BFSP2: variants seen among roughly 807,000 people sequenced by gnomAD.
The protein encoded by BFSP2 is beaded filament structural protein 2.
A neutral mutation model predicts 44.9 loss-of-function variants in BFSP2; 38 were observed. The ratio of observed to expected loss-of-function variants is 0.85; its 90% CI spans 0.65 to 1.11. The LOEUF is 1.11. Among genes scored for constraint, BFSP2 ranks in the 50% least tolerant of loss-of-function variants. The pLI, the probability that BFSP2 is intolerant of heterozygous loss-of-function variation, is 0.00. For missense variants in BFSP2, 525 were observed against 533.0 expected (o/e 0.99, Z 0.15); for synonymous variants, 197 against 209.9 (o/e 0.94, Z 0.53).
At chr3:133,429,796 G>A (rs1418064051) in intron 1 of BFSP2, 1 of 151,362 alleles carries the variant, frequency 6.6e-6, no homozygotes, top group East Asian at 1.9e-4. Flanking sequence ...GGGTACATGT[G>A]CACAATGTGC....
rs1054967096 is a variant in BFSP2, at chr3:133,427,722, T to C, written c.490-19595T>C. 4.6e-5 allele frequency among the ~76,000 whole-genome samples: 7 copies of C among 152,204 alleles called. No individual in the cohort carries two copies. The South Asian group carries it at 1.0e-3, about 23-fold the overall frequency. Reference sequence around the variant, plus strand: ...GTCCATTACGTCCCACTGGAATCAATTGAGGTTATGTTTCTGACAACAGAG... The same window carrying C: ...GTCCATTACGTCCCACTGGAATCAACTGAGGTTATGTTTCTGACAACAGAG... On this transcript the variant is annotated intron_variant, in intron 1 of 6. Coordinates refer to ENST00000302334, the MANE Select transcript of BFSP2 (RefSeq NM_003571.4).
intron 1 of BFSP2, among the ~76,000 whole-genome samples, chr3:133,411,299 C>A (rs1228656402): frequency 4.0e-5 from 6 of 151,106 alleles, no homozygotes; most frequent in African/African-American, 1.5e-4. Context: ...TCTTATAAGA[C>A]CTATAGGTAT....
intron 1 of BFSP2, chr3:133,410,451 C>T (rs970580469): frequency 1.1e-5 from 3 of 274,604 alleles, no homozygotes; most frequent in African/African-American, 6.8e-5. Flanking sequence ...CCCTGGGAAA[C>T]CCCAGGCTGT....
Position 133,467,805 on chromosome 3 carries a change from T to A in BFSP2, c.1023+846T>A, listed in dbSNP as rs1300903969. 3.3e-5 allele frequency among the ~76,000 whole-genome samples: 5 copies of A among 152,138 alleles called. No homozygotes were observed. In the East Asian group the frequency reaches 9.6e-4, roughly 29 times the overall value. On this transcript the variant is annotated intron_variant, in intron 5 of 6. Coordinates refer to ENST00000302334, the MANE Select transcript of BFSP2 (RefSeq NM_003571.4). ...GCAAATCAAAGGTTGGTCCATGTAATCCTTGTGCAGCTGAGATGGCCTGGA... is the reference window on the plus strand; with the variant it reads ...GCAAATCAAAGGTTGGTCCATGTAAACCTTGTGCAGCTGAGATGGCCTGGA...
intron 1 of BFSP2, among the ~76,000 whole-genome samples, chr3:133,446,652 T>A (rs2073904128): frequency 9.2e-6 from 1 of 109,260 alleles, no homozygotes; most frequent in Non-Finnish European, 1.8e-5. Flanking sequence ...AGGAGTTTCT[T>A]GGGTTGAAGG....
intron 1 of BFSP2, among the ~76,000 whole-genome samples, chr3:133,438,553 G>GA (rs11288059): frequency 2.6e-5 from 4 of 152,004 alleles, no homozygotes; most frequent in African/African-American, 9.7e-5. Flanking sequence ...AACAAAAAAA[G>GA]AAAAAAGAAA....
At chr3:133,425,810 AG>A (rs2073642751) in intron 1 of BFSP2, among the ~76,000 whole-genome samples, 1 of 143,712 alleles carries the variant, frequency 7.0e-6, no homozygotes, top group Non-Finnish European at 1.5e-5. Context: ...GAAGAAGGGA[AG>A]GGAAGGGAAA....
intron 6 of BFSP2, among the ~76,000 whole-genome samples, chr3:133,474,491 C>T (rs559713409): frequency 6.6e-6 from 1 of 152,262 alleles, no homozygotes; most frequent in East Asian, 1.9e-4. Context: ...CATCCAGCTC[C>T]TCTCCAACTG....
At position 133,405,246 on chromosome 3, in the gene BFSP2, T is replaced by C. The variant is rs115438587; in HGVS notation, c.489+4674T>C. ...TAAGGAGCCAGGACATTTGTCTAGG[T>C]CTCCATGGGAGAAAACTGCAGCTTA... On this transcript the variant is annotated intron_variant, in intron 1 of 6. Coordinates refer to ENST00000302334, the MANE Select transcript of BFSP2 (RefSeq NM_003571.4). 3.5e-3 allele frequency among the ~76,000 whole-genome samples: 529 copies of C among 152,144 alleles called. 4 individuals carry two copies. Among genetic ancestry groups the C allele is most frequent in the African/African-American group, 0.012 (481 of 41,502 alleles).
At chr3:133,461,162 C>A (rs1028102407) in intron 4 of BFSP2, among the ~76,000 whole-genome samples, 6 of 152,148 alleles carry the variant, frequency 3.9e-5, no homozygotes, top group Admixed American at 3.9e-4. Context: ...GTGGGTCAGG[C>A]TTGGACTTGG....
At chr3:133,462,851 T>G (rs2074076347) in intron 4 of BFSP2, among the ~76,000 whole-genome samples, 1 of 152,202 alleles carries the variant, frequency 6.6e-6, no homozygotes, top group African/African-American at 2.4e-5. Context: ...TAATTTCTGA[T>G]TAAGCAAAAA....
chr3:133,428,813 G>A (rs1398261496), intron 1 of BFSP2, among the ~76,000 whole-genome samples: 2 of 152,136 alleles, frequency 1.3e-5, no homozygotes, highest in Non-Finnish European at 2.9e-5. Context: ...GCCTGCCCTC[G>A]CTCTGACCTG....
intron 4 of BFSP2, among the ~76,000 whole-genome samples, chr3:133,457,402 G>A (rs929056006): frequency 2.0e-5 from 3 of 152,072 alleles, no homozygotes; most frequent in Admixed American, 6.5e-5. Context: ...CATTCACTTA[G>A]TTCAAAATTC....
At chr3:133,467,305 G>C (rs1036141943) in intron 5 of BFSP2, among the ~76,000 whole-genome samples, 1 of 152,142 alleles carries the variant, frequency 6.6e-6, no homozygotes, top group African/African-American at 2.4e-5. Context: ...GCCCCCCAAG[G>C]CTCAGCCAGT....
At chr3:133,451,400 A>G (rs2073964689) in intron 4 of BFSP2, among the ~76,000 whole-genome samples, 1 of 152,252 alleles carries the variant, frequency 6.6e-6, no homozygotes, top group African/African-American at 2.4e-5. Context: ...AGGACCAAAC[A>G]GTAAATATTT....
chr3:133,447,934 T>G (rs2107923577), intron 2 of BFSP2, among the ~76,000 whole-genome samples: 1 of 152,256 alleles, frequency 6.6e-6, no homozygotes, highest in East Asian at 1.9e-4. Context: ...GCTTCAGCAG[T>G]TTTAGAGCTC....
At chr3:133,418,077 C>A (rs2073560869) in intron 1 of BFSP2, among the ~76,000 whole-genome samples, 1 of 143,978 alleles carries the variant, frequency 6.9e-6, no homozygotes, top group Non-Finnish European at 1.5e-5. Flanking sequence ...CCTCTAGTCC[C>A]CCATGCCCTC....
At chr3:133,416,252 CCT>C (rs1159117258) in intron 1 of BFSP2, among the ~76,000 whole-genome samples, 106 of 146,386 alleles carry the variant, frequency 7.2e-4, no homozygotes, top group African/African-American at 2.7e-3. Flanking sequence ...TGCCCTCTCC[CCT>C]GTCCTCTCTC....
intron 4 of BFSP2, among the ~76,000 whole-genome samples, chr3:133,456,082 C>T (rs1056915248): frequency 3.3e-5 from 5 of 152,146 alleles, no homozygotes; most frequent in African/African-American, 7.2e-5. Context: ...GGTGGTTGCC[C>T]GGATGTGAGA....
Sources: gnomAD v4.1 joint callset for allele counts (sites outside exome capture counted in the v4.1 genomes callset) on GRCh38, gnomAD v4.1.1 for gene constraint, MANE v1.5 for transcripts, NCBI Gene and HGNC (gene_info 2026-07-23, HGNC 2026-07-21) for gene names.